The following MCU variants were observed in gnomAD, a reference collection of about 807,000 sequenced individuals.
The protein encoded by MCU is mitochondrial calcium uniporter.
MCU carries 12 observed loss-of-function variants against 45.2 expected under a neutral mutation model. The observed-to-expected ratio is 0.27, with a 90% CI of 0.17 to 0.43. MCU has a LOEUF of 0.43. Ranked by LOEUF, MCU falls within the 20% of genes least tolerant of loss-of-function variation. The pLI is 1.00. For synonymous variants in MCU, 160 were observed against 165.1 expected (o/e 0.97, Z 0.24); for missense variants, 324 against 436.7 (o/e 0.74, Z 2.30).
intron 6 of MCU, 84 bp from the exon 7 acceptor site, chr10:72,884,182 G>A: frequency 3.7e-6 from 3 of 804,794 alleles, no homozygotes; most frequent in South Asian, 1.5e-5. Flanking sequence ...GCATACATAT[G>A]TATTGAATCT....
intron 2 of MCU, among the ~76,000 whole-genome samples, chr10:72,858,719 A>G (rs939211137): frequency 6.6e-6 from 1 of 152,172 alleles, no homozygotes; most frequent in African/African-American, 2.4e-5. Flanking sequence ...ACTGTACTAT[A>G]TATACATGAA....
intron 1 of MCU, among the ~76,000 whole-genome samples, chr10:72,704,380 C>A (rs3009551): frequency 0.51 from 77,460 of 151,912 alleles, 22,056 homozygotes; most frequent in Non-Finnish European, 0.67. Flanking sequence ...GGCACTGAAA[C>A]TTTATTTCTT....
chr10:72,868,611 C>A, intron 4 of MCU, 92 bp from the exon 5 acceptor site: 1 of 1,142,882 alleles, frequency 8.7e-7, no homozygotes, highest in Non-Finnish European at 1.3e-6. Context: ...AGGTGAGATA[C>A]CTATAATGGA....
At chr10:72,884,932 C>A (rs1453088982) in intron 7 of MCU, among the ~76,000 whole-genome samples, 2 of 152,166 alleles carry the variant, frequency 1.3e-5, no homozygotes, top group African/African-American at 4.8e-5. Context: ...ACTCTGTTAT[C>A]TTTGATTTTG....
At chr10:72,861,098 C>T (rs1470508534) in intron 4 of MCU, among the ~76,000 whole-genome samples, 1 of 152,064 alleles carries the variant, frequency 6.6e-6, no homozygotes, top group Non-Finnish European at 1.5e-5. Flanking sequence ...AATCACAGCT[C>T]ACTGCAGCCT....
chr10:72,728,585 G>A (rs1843130243), intron 1 of MCU, among the ~76,000 whole-genome samples: 1 of 152,152 alleles, frequency 6.6e-6, no homozygotes, highest in African/African-American at 2.4e-5. Context: ...AGATGGGGGT[G>A]GGGGTTTAGG....
intron 6 of MCU, among the ~76,000 whole-genome samples, chr10:72,880,484 G>GC (rs980847527): frequency 4.0e-5 from 6 of 151,814 alleles, no homozygotes; most frequent in Non-Finnish European, 8.8e-5. Context: ...AAAGCGGGGG[G>GC]GGGGAAACCC....
chr10:72,709,651 T>G lies in MCU; in HGVS notation c.150+17350T>G, dbSNP rs1003123935. Among the ~76,000 whole-genome samples, 16 of 152,250 alleles carry G rather than the reference T, an allele frequency of 1.1e-4. No homozygotes were observed. The South Asian group carries it at 1.9e-3, about 18-fold the overall frequency. ...GTGAGTATCTGACTAGATATAGATA[T>G]AGATGTCAATAGTTTGGTTTTGTTT... On this transcript the variant is annotated intron_variant, in intron 1 of 7. Transcript: ENST00000373053.
At chr10:72,693,312 C>T (rs537301194) in intron 1 of MCU, among the ~76,000 whole-genome samples, 2 of 152,232 alleles carry the variant, frequency 1.3e-5, no homozygotes, top group South Asian at 4.1e-4. Context: ...CTTGGACTTT[C>T]TAGACCTATA....
chr10:72,705,218 T>C (rs1655023661), intron 1 of MCU, among the ~76,000 whole-genome samples: 1 of 152,178 alleles, frequency 6.6e-6, no homozygotes, highest in Admixed American at 6.5e-5. Flanking sequence ...GTGTGCAGCA[T>C]GTGCAGGTTT....
intron 1 of MCU, among the ~76,000 whole-genome samples, chr10:72,789,000 C>T (rs372087237): frequency 1.3e-5 from 2 of 151,956 alleles, no homozygotes; most frequent in African/African-American, 4.8e-5. Flanking sequence ...TATCTTTTTC[C>T]CTAAGTGAAA....
intron 1 of MCU, among the ~76,000 whole-genome samples, chr10:72,816,148 G>A (rs1844622491): frequency 6.6e-6 from 1 of 152,118 alleles, no homozygotes; most frequent in Non-Finnish European, 1.5e-5. Context: ...TCCAGCCTGG[G>A]CGACAGAGTG....
intron 2 of MCU, among the ~76,000 whole-genome samples, chr10:72,841,715 G>A (rs1334695872): frequency 1.3e-5 from 2 of 152,214 alleles, no homozygotes; most frequent in African/African-American, 4.8e-5. Flanking sequence ...TCCACCCATT[G>A]TAATAATTCA....
At position 72,856,768 on chromosome 10, in the gene MCU, TAA is replaced by T. The variant is rs1204072398; in HGVS notation, c.221-2384_221-2383del. Among the ~76,000 whole-genome samples the T allele has an allele frequency of 1.8e-3, 115 of 64,966 alleles. 1 individual carries two copies. The highest frequency in any genetic ancestry group is 5.8e-3 in the African/African-American group (94 of 16,250). 42.6% of individuals were successfully genotyped at this position (64,966 alleles called of 152,430 possible). On this transcript the variant is annotated intron_variant, in intron 2 of 7. Transcript: ENST00000373053. ...GGGCAACGTGGTGAAACCCTGTCTCTAAAAAAAAAAAAAAAAAAAAAAAAAAT... is the reference window on the plus strand; with the variant it reads ...GGGCAACGTGGTGAAACCCTGTCTCTAAAAAAAAAAAAAAAAAAAAAAAAT...
At chr10:72,884,429 GTTA>G (rs756288084) in intron 7 of MCU, 47 bp downstream of exon 7, 22 of 1,059,530 alleles carry the variant, frequency 2.1e-5, no homozygotes, top group East Asian at 4.7e-5. Context: ...ATCTTGCATG[GTTA>G]TTATTATTAT....
At chr10:72,692,980 G>C (rs1440353993) in intron 1 of MCU, 1 of 1,535,990 alleles carries the variant, frequency 6.5e-7, no homozygotes, top group East Asian at 2.4e-5. Flanking sequence ...GTGCTTTTGG[G>C]GGTCCTTTCG....
chr10:72,808,216 G>A (rs149955302), intron 1 of MCU, among the ~76,000 whole-genome samples: 15 of 152,192 alleles, frequency 9.9e-5, no homozygotes, highest in African/African-American at 3.6e-4. Flanking sequence ...AGTTTCTCTT[G>A]TCTTTGGCTT....
chr10:72,714,512 T>C (rs754273852), intron 1 of MCU, among the ~76,000 whole-genome samples: 3 of 151,848 alleles, frequency 2.0e-5, no homozygotes, highest in African/African-American at 7.3e-5. Context: ...TTTTTATATC[T>C]GTTGAGCTTA....
At chr10:72,743,479 A>G (rs1043715710) in intron 1 of MCU, among the ~76,000 whole-genome samples, 3 of 151,686 alleles carry the variant, frequency 2.0e-5, no homozygotes, top group Non-Finnish European at 4.4e-5. Flanking sequence ...GGAGATAGTA[A>G]TATTCACTAG....
Sources: allele counts gnomAD v4.1 joint callset (sites outside exome capture counted in the v4.1 genomes callset), GRCh38; gene constraint gnomAD v4.1.1; transcripts MANE v1.5; gene names NCBI Gene and HGNC (gene_info 2026-07-23, HGNC 2026-07-21).